Variants in ERBB4 observed in about 807,000 individuals in gnomAD.
ERBB4 encodes the protein receptor tyrosine-protein kinase erbB-4.
ERBB4 carries 42 observed loss-of-function variants against 158.0 expected under a neutral mutation model. That is an observed-to-expected ratio of 0.27 (90% CI 0.21 to 0.34). ERBB4 has a LOEUF of 0.34. Among genes scored for constraint, ERBB4 ranks in the 10% least tolerant of loss-of-function variants. The pLI, the probability that ERBB4 is intolerant of heterozygous loss-of-function variation, is 1.00. For missense variants in ERBB4, 1,333 were observed against 1,624.1 expected (o/e 0.82, Z 3.08); for synonymous variants, 583 against 558.7 (o/e 1.04, Z -0.61).
At chr2:212,417,567 A>G (rs143176208) in intron 1 of ERBB4, among the ~76,000 whole-genome samples, 25 of 152,128 alleles carry the variant, frequency 1.6e-4, no homozygotes, top group African/African-American at 5.8e-4. Context: ...TCTAAAACAC[A>G]TCTTGTCCCA....
intron 1 of ERBB4, among the ~76,000 whole-genome samples, chr2:212,265,346 G>C (rs1268274653): frequency 6.6e-6 from 1 of 152,076 alleles, no homozygotes; most frequent in Non-Finnish European, 1.5e-5. Context: ...TCAAGAAGGT[G>C]AATTATTGTA....
intron 1 of ERBB4, among the ~76,000 whole-genome samples, chr2:212,331,250 T>C (rs1465721801): frequency 6.6e-6 from 1 of 150,904 alleles, no homozygotes; most frequent in East Asian, 2.0e-4. Flanking sequence ...TTTCTATAAC[T>C]AATAGAAATA....
At chr2:212,527,263 A>G (rs927041781) in intron 1 of ERBB4, among the ~76,000 whole-genome samples, 9 of 152,158 alleles carry the variant, frequency 5.9e-5, no homozygotes, top group Non-Finnish European at 2.9e-5. Flanking sequence ...TTATCTCTAT[A>G]TAGTACATTA....
intron 1 of ERBB4, among the ~76,000 whole-genome samples, chr2:212,455,793 G>A (rs1000718318): frequency 3.9e-5 from 6 of 151,982 alleles, no homozygotes; most frequent in Admixed American, 6.6e-5. Flanking sequence ...ATTTTATCCT[G>A]TAAGAATAAA....
At chr2:212,105,647 A>G (rs2079203923) in intron 2 of ERBB4, among the ~76,000 whole-genome samples, 2 of 152,234 alleles carry the variant, frequency 1.3e-5, no homozygotes, top group Admixed American at 6.5e-5. Flanking sequence ...TTGCATGTGA[A>G]TATGACAATT....
chr2:211,767,497 A>T (rs954625993), intron 4 of ERBB4, among the ~76,000 whole-genome samples: 3 of 152,188 alleles, frequency 2.0e-5, no homozygotes, highest in African/African-American at 7.2e-5. Context: ...TCATGCTGCT[A>T]ATAAAGACCT....
chr2:212,222,308 T>G (rs2083314524), intron 1 of ERBB4, among the ~76,000 whole-genome samples: 1 of 151,542 alleles, frequency 6.6e-6, no homozygotes, highest in Non-Finnish European at 1.5e-5. Context: ...CTAATTGCTG[T>G]CAATATATTC....
At position 211,742,764 on chromosome 2, in the gene ERBB4, T is replaced by C. The variant is rs74958320; in HGVS notation, c.622+7875A>G. On this transcript the variant is annotated intron_variant, in intron 5 of 27. Transcript: ENST00000342788. Reference sequence around the variant, plus strand: ...TATGGAAAAAGTAAATGACATAAAATGTTGTTTGGAAAAAGGTTTTATTTT... The same window carrying C: ...TATGGAAAAAGTAAATGACATAAAACGTTGTTTGGAAAAAGGTTTTATTTT... Among the ~76,000 whole-genome samples, 205 of 152,146 alleles carry C rather than the reference T, an allele frequency of 1.3e-3. 3 individuals carry two copies. In the East Asian group the frequency reaches 0.037, roughly 27 times the overall value.
chr2:212,406,747 C>A (rs2091355888), intron 1 of ERBB4, among the ~76,000 whole-genome samples: 1 of 152,048 alleles, frequency 6.6e-6, no homozygotes, highest in African/African-American at 2.4e-5. Flanking sequence ...ATTAATGGTT[C>A]AAAAATACCA....
chr2:211,416,937 T>G (rs2125394971), intron 25 of ERBB4, among the ~76,000 whole-genome samples: 1 of 152,272 alleles, frequency 6.6e-6, no homozygotes, highest in Non-Finnish European at 1.5e-5. Context: ...AAATACTCTT[T>G]GCTTTTTTCG....
intron 1 of ERBB4, among the ~76,000 whole-genome samples, chr2:212,256,549 GTGTTATTAAACATTTATTAAGGATC>G (rs1181714635): frequency 3.9e-5 from 6 of 152,142 alleles, no homozygotes; most frequent in Non-Finnish European, 8.8e-5. Context: ...AAGGGAGGTG[GTGTTATTAAACATTTATTAAGGATC>G]TGCACATATT....
At chr2:211,744,526 G>A (rs1486430335) in intron 5 of ERBB4, among the ~76,000 whole-genome samples, 3 of 152,136 alleles carry the variant, frequency 2.0e-5, no homozygotes, top group African/African-American at 7.2e-5. Context: ...TGTTGTGACC[G>A]GCTTCTTTGT....
intron 19 of ERBB4, among the ~76,000 whole-genome samples, chr2:211,569,549 G>A (rs945410838): frequency 1.3e-5 from 2 of 152,196 alleles, no homozygotes; most frequent in Non-Finnish European, 2.9e-5. Flanking sequence ...TAAACAGAGT[G>A]TTGTGATAGA....
At chr2:211,645,462 T>C (rs1207280895) in intron 16 of ERBB4, among the ~76,000 whole-genome samples, 2 of 151,730 alleles carry the variant, frequency 1.3e-5, no homozygotes, top group African/African-American at 4.8e-5. Flanking sequence ...ATAAATGATG[T>C]TGAAATATTA....
chr2:212,206,845 C>T (rs62182599), intron 1 of ERBB4, among the ~76,000 whole-genome samples: 25,056 of 151,524 alleles, frequency 0.17, 2,454 homozygotes, highest in Non-Finnish European at 0.22. Flanking sequence ...ACCTCGGCCT[C>T]CCAAAGTGCT....
intron 2 of ERBB4, among the ~76,000 whole-genome samples, chr2:212,075,730 G>C (rs2078255063): frequency 6.6e-6 from 1 of 151,878 alleles, no homozygotes; most frequent in Admixed American, 6.6e-5. Context: ...GGGCAGAATA[G>C]TGATGTGGCT....
At chr2:211,953,085 G>T (rs571923891) in intron 2 of ERBB4, among the ~76,000 whole-genome samples, 1 of 152,116 alleles carries the variant, frequency 6.6e-6, no homozygotes, top group South Asian at 2.1e-4. Context: ...GGAATGGAAT[G>T]GAATCGAAAA....
chr2:211,974,243 A>T (rs1451344040), intron 2 of ERBB4, among the ~76,000 whole-genome samples: 2 of 152,076 alleles, frequency 1.3e-5, no homozygotes, highest in South Asian at 2.1e-4. Context: ...CTTTTTTTTT[A>T]AATCATAAAA....
At chr2:212,340,703 T>TA in intron 1 of ERBB4, among the ~76,000 whole-genome samples, 1 of 152,320 alleles carries the variant, frequency 6.6e-6, no homozygotes, top group Non-Finnish European at 1.5e-5. Flanking sequence ...CAGCTGGCTG[T>TA]AAATACAGAT....
Sources: gnomAD v4.1 joint callset for allele counts (sites outside exome capture counted in the v4.1 genomes callset) on GRCh38, gnomAD v4.1.1 for gene constraint, MANE v1.5 for transcripts, NCBI Gene and HGNC (gene_info 2026-07-23, HGNC 2026-07-21) for gene names.